Variants in ATRN observed in about 807,000 individuals in gnomAD.
ATRN encodes the protein attractin.
A neutral mutation model predicts 178.7 loss-of-function variants in ATRN; 54 were observed. The observed-to-expected ratio is 0.30, with a 90% CI of 0.24 to 0.38. ATRN has a LOEUF of 0.38. Among genes scored for constraint, ATRN ranks in the 10% least tolerant of loss-of-function variants. The pLI, the probability that ATRN is intolerant of heterozygous loss-of-function variation, is 1.00. For synonymous variants in ATRN, 636 were observed against 663.0 expected, an observed-to-expected ratio of 0.96 and a Z score of 0.63; for missense variants, 1,443 against 1,815.1, an observed-to-expected ratio of 0.79 and a Z score of 3.73.
At chr20:3,531,734 T>G (rs17781182) in intron 1 of ATRN, among the ~76,000 whole-genome samples, 6,748 of 152,248 alleles carry the variant, frequency 0.044, 165 homozygotes, top group Non-Finnish European at 0.057. Context: ...TAAGAATTCC[T>G]GGTAGGTGGT....
At chr20:3,562,985 T>C (rs1316556330) in intron 9 of ATRN, among the ~76,000 whole-genome samples, 1 of 152,176 alleles carries the variant, frequency 6.6e-6, no homozygotes, top group Non-Finnish European at 1.5e-5. Flanking sequence ...AGCTACGGGG[T>C]ATGAAGAGTT....
At chr20:3,606,461 T>G (rs997508739) in intron 24 of ATRN, among the ~76,000 whole-genome samples, 6 of 106,556 alleles carry the variant, frequency 5.6e-5, no homozygotes, top group Non-Finnish European at 1.3e-4. Flanking sequence ...GTGGGACTTG[T>G]GGTGCCACAT....
intron 1 of ATRN, among the ~76,000 whole-genome samples, chr20:3,507,791 T>C (rs2085067893): frequency 6.6e-6 from 1 of 150,956 alleles, no homozygotes; most frequent in Non-Finnish European, 1.5e-5. Flanking sequence ...TTCAAGCAAT[T>C]CTCCTGCCTC....
At chr20:3,502,377 A>G (rs971349591) in intron 1 of ATRN, among the ~76,000 whole-genome samples, 1 of 152,148 alleles carries the variant, frequency 6.6e-6, no homozygotes, top group Admixed American at 6.6e-5. Flanking sequence ...CTTGAAGTTT[A>G]TAAGAAGAAA....
chr20:3,628,794 G>C, intron 25 of ATRN: 2 of 724,726 alleles, frequency 2.8e-6, no homozygotes, highest in Non-Finnish European at 3.4e-6. Context: ...CTTCATGAGC[G>C]AGACTCTTCC....
chr20:3,529,016 G>T (rs576143452), intron 1 of ATRN, among the ~76,000 whole-genome samples: 69 of 152,174 alleles, frequency 4.5e-4, no homozygotes, highest in African/African-American at 1.6e-3. Context: ...GTTTCACTAT[G>T]TTGCTTAGGC....
At chr20:3,531,739 G>A (rs558929842) in intron 1 of ATRN, among the ~76,000 whole-genome samples, 1 of 152,280 alleles carries the variant, frequency 6.6e-6, no homozygotes, top group African/African-American at 2.4e-5. Flanking sequence ...ATTCCTGGTA[G>A]GTGGTTAAAT....
chr20:3,483,425 C>T (rs1287751961), intron 1 of ATRN, among the ~76,000 whole-genome samples: 1 of 152,182 alleles, frequency 6.6e-6, no homozygotes, highest in Admixed American at 6.5e-5. Flanking sequence ...CCGCTCACTG[C>T]AGCCCTGACC....
In ATRN at chr20:3,514,257, G is replaced by A. The variant is rs148212848; in HGVS notation, c.411-20996G>A. Among the ~76,000 whole-genome samples, 13 of 152,318 alleles carry A rather than the reference G, an allele frequency of 8.5e-5. No homozygotes were observed. The East Asian group carries it at 2.3e-3, about 27-fold the overall frequency. Reference sequence around the variant, plus strand: ...CCAACTTATAAAAAGAAAACTCCATGTCCAGAAAGCTTCACCAGTCAATTC... The same window carrying A: ...CCAACTTATAAAAAGAAAACTCCATATCCAGAAAGCTTCACCAGTCAATTC... On this transcript the variant is annotated intron_variant, in intron 1 of 28. Transcript: ENST00000262919.
intron 1 of ATRN, chr20:3,489,593 T>G (rs2084753979): frequency 6.8e-7 from 1 of 1,475,968 alleles, no homozygotes; most frequent in Non-Finnish European, 9.5e-7. Flanking sequence ...CCCACTTGAG[T>G]CTTCATATTC....
intron 25 of ATRN, among the ~76,000 whole-genome samples, chr20:3,626,786 T>C (rs995069331): frequency 2.7e-5 from 4 of 148,598 alleles, no homozygotes; most frequent in Admixed American, 2.0e-4. Flanking sequence ...TATTTCTTTT[T>C]TTTTTTTTTT....
chr20:3,595,520 C>T (rs2086516902), intron 20 of ATRN, among the ~76,000 whole-genome samples: 1 of 152,128 alleles, frequency 6.6e-6, no homozygotes, highest in African/African-American at 2.4e-5. Context: ...TGCCCTAAAG[C>T]CAATATGTGA....
chr20:3,604,802 T>C (rs2086657162), intron 24 of ATRN, among the ~76,000 whole-genome samples: 1 of 152,162 alleles, frequency 6.6e-6, no homozygotes, highest in South Asian at 2.1e-4. Context: ...AGTCTCCAGT[T>C]CTCTGTGCAT....
intron 27 of ATRN, among the ~76,000 whole-genome samples, chr20:3,640,148 G>T (rs1327782341): frequency 1.3e-5 from 2 of 152,196 alleles, no homozygotes; most frequent in Non-Finnish European, 2.9e-5. Context: ...TGAGAGTCAA[G>T]TATGGCCAAG....
intron 1 of ATRN, among the ~76,000 whole-genome samples, chr20:3,485,233 G>C (rs1281294429): frequency 6.6e-6 from 1 of 152,096 alleles, no homozygotes; most frequent in Non-Finnish European, 1.5e-5. Flanking sequence ...CTTGTGTGTG[G>C]ATTCTCCTGT....
intron 10 of ATRN, among the ~76,000 whole-genome samples, chr20:3,563,783 T>C (rs1423239268): frequency 6.6e-6 from 1 of 152,232 alleles, no homozygotes; most frequent in Non-Finnish European, 1.5e-5. Flanking sequence ...CAGTATTTGT[T>C]CATGCAAAGC....
chr20:3,646,733 G>C lies in ATRN; in HGVS notation c.4176G>C (p.Val1392=). The change falls in exon 29 of 29, where the codon GTG becomes GTC. Residue 1392 remains valine (V), a synonymous_variant. Coordinates refer to ENST00000262919, the MANE Select transcript of ATRN (RefSeq NM_139321.3). ...IPPPGQSGLA[V]ASALVDISQQ... is the part of the protein sequence containing the mutation. ...TGTGGTTCTCCCAAGGTCTTGCTGT[G>C]GCCAGCGCCCTGGTGGACATTTCTC... The C allele has an allele frequency of 6.2e-7, 1 of 1,602,618 alleles. No homozygotes were observed. Among genetic ancestry groups the C allele is most frequent in the Non-Finnish European group, 8.5e-7 (1 of 1,174,106 alleles).
chr20:3,550,438 G>A (rs1247906890), intron 6 of ATRN, among the ~76,000 whole-genome samples: 3 of 152,128 alleles, frequency 2.0e-5, no homozygotes, highest in African/African-American at 7.2e-5. Context: ...CGTTCTTTTT[G>A]TGTAGGATTG....
chr20:3,500,659 G>A (rs972967962), intron 1 of ATRN, among the ~76,000 whole-genome samples: 3 of 142,606 alleles, frequency 2.1e-5, no homozygotes, highest in African/African-American at 7.8e-5. Flanking sequence ...ACACAGGAAG[G>A]GGAACATCAC....
Sources: allele counts gnomAD v4.1 joint callset (sites outside exome capture counted in the v4.1 genomes callset), GRCh38; gene constraint gnomAD v4.1.1; transcripts MANE v1.5; gene names NCBI Gene and HGNC (gene_info 2026-07-23, HGNC 2026-07-21).